Variants in ZPBP observed in about 807,000 individuals in gnomAD.
ZPBP encodes the protein zona pellucida binding protein, also known as zona pellucida-binding protein 1.
A neutral mutation model predicts 44.8 loss-of-function variants in ZPBP; 26 were observed. That is an observed-to-expected ratio of 0.58 (90% CI 0.43 to 0.81). The LOEUF (loss-of-function observed/expected upper bound fraction) is 0.81. ZPBP is among the 30% of genes least tolerant of loss of function. The probability of loss-of-function intolerance (pLI) is 0.00; values close to 1 mark genes in which losing one functional copy is unlikely to be tolerated. For missense variants in ZPBP, 409 were observed against 434.0 expected, an observed-to-expected ratio of 0.94 and a Z score of 0.51; for synonymous variants, 174 against 153.2, an observed-to-expected ratio of 1.14 and a Z score of -1.00.
intron 6 of ZPBP, among the ~76,000 whole-genome samples, chr7:49,993,522 T>C (rs1797660196): frequency 6.6e-6 from 1 of 152,186 alleles, no homozygotes; most frequent in African/African-American, 2.4e-5. Context: ...CTATGAACAA[T>C]AAATGTTTTT....
intron 3 of ZPBP, among the ~76,000 whole-genome samples, chr7:50,079,266 C>A (rs1802252355): frequency 6.6e-6 from 1 of 151,424 alleles, no homozygotes; most frequent in Non-Finnish European, 1.5e-5. Flanking sequence ...TAGGAAAGTA[C>A]CTTATTCTCT....
downstream of ZPBP, among the ~76,000 whole-genome samples, chr7:49,845,858 T>A (rs1444432386): frequency 6.6e-6 from 1 of 151,910 alleles, no homozygotes; most frequent in East Asian, 1.9e-4. Flanking sequence ...GAAGAGCGAG[T>A]GAGTTAGTGT....
intron 7 of ZPBP, among the ~76,000 whole-genome samples, chr7:49,966,303 C>T (rs1375472744): frequency 6.6e-6 from 1 of 152,016 alleles, no homozygotes; most frequent in Non-Finnish European, 1.5e-5. Context: ...ACTCTCCTCC[C>T]ATTCTCTATC....
intron 5 of ZPBP, among the ~76,000 whole-genome samples, chr7:50,027,488 G>A (rs1172799975): frequency 1.3e-5 from 2 of 152,166 alleles, no homozygotes; most frequent in South Asian, 4.1e-4. Flanking sequence ...AGAAGGAAAT[G>A]TATGGGTGTA....
chr7:50,006,263 G>T (rs759296011), intron 6 of ZPBP, among the ~76,000 whole-genome samples: 1 of 151,880 alleles, frequency 6.6e-6, no homozygotes, highest in Non-Finnish European at 1.5e-5. Flanking sequence ...CAATACCATA[G>T]ATCAACAGGA....
chr7:49,974,039 CA>C (rs1796403656), intron 7 of ZPBP, among the ~76,000 whole-genome samples: 1 of 151,888 alleles, frequency 6.6e-6, no homozygotes, highest in African/African-American at 2.4e-5. Flanking sequence ...AAGCCAGACA[CA>C]AAAAGACAGA....
At chr7:49,991,604 T>C (rs1171792400) in intron 6 of ZPBP, among the ~76,000 whole-genome samples, 5 of 152,092 alleles carry the variant, frequency 3.3e-5, no homozygotes, top group African/African-American at 1.2e-4. Context: ...AACTGAAACT[T>C]GCACTAGAAA....
chr7:49,911,923 GCA>G (rs10639154), intron 1 of ZPBP: 2,336 of 344,126 alleles, frequency 6.8e-3, no homozygotes, highest in Middle Eastern at 0.012. Flanking sequence ...ACAAATACAC[GCA>G]CACACACACA....
Position 49,925,398 on chromosome 7 carries a change from G to T in ZPBP, n.411+10353C>A, listed in dbSNP as rs115804796. ...GGACCCAGTGTTGGCCTCTGTTCCA[G>T]ATAGGTTAGACATTGAGAGGTGGTA... is the stretch of plus-strand genomic sequence containing the variant. On this transcript the variant is annotated intron_variant and non_coding_transcript_variant, in intron 1 of 2. Transcript: ENST00000465922. 7.4e-3 allele frequency among the ~76,000 whole-genome samples: 1,134 copies of T among 152,276 alleles called. 24 individuals are homozygous for T. The highest frequency in any genetic ancestry group is 0.026 in the African/African-American group (1,074 of 41,556).
At chr7:49,997,712 C>A (rs1248808070) in intron 6 of ZPBP, among the ~76,000 whole-genome samples, 2 of 152,134 alleles carry the variant, frequency 1.3e-5, no homozygotes, top group Non-Finnish European at 2.9e-5. Context: ...GGAAGGGAGG[C>A]CCCACTGTAG....
intron 7 of ZPBP, among the ~76,000 whole-genome samples, chr7:49,980,138 TA>T (rs1796759253): frequency 9.2e-6 from 1 of 108,486 alleles, no homozygotes; most frequent in African/African-American, 3.8e-5. Context: ...TTATATATTA[TA>T]TTTATATTAT....
At chr7:49,888,176 T>G (rs1442921596) in intron 2 of ZPBP, among the ~76,000 whole-genome samples, 1 of 152,232 alleles carries the variant, frequency 6.6e-6, no homozygotes, top group Non-Finnish European at 1.5e-5. Flanking sequence ...TTTCTGGACC[T>G]TTTAAAAAAT....
At chr7:50,090,801 A>G (rs1221387709) in intron 1 of ZPBP, among the ~76,000 whole-genome samples, 1 of 151,806 alleles carries the variant, frequency 6.6e-6, no homozygotes, top group East Asian at 1.9e-4. Flanking sequence ...TTTTTCATAT[A>G]ATGACTTATT....
At chr7:49,991,083 T>C (rs138757798) in intron 6 of ZPBP, among the ~76,000 whole-genome samples, 39 of 152,268 alleles carry the variant, frequency 2.6e-4, no homozygotes, top group African/African-American at 9.1e-4. Flanking sequence ...TTTGGGAATC[T>C]CTGGGATAAA....
chr7:50,006,797 C>T (rs969394268), intron 6 of ZPBP, among the ~76,000 whole-genome samples: 1 of 151,766 alleles, frequency 6.6e-6, no homozygotes, highest in African/African-American at 2.4e-5. Context: ...AACTGATAAA[C>T]GTTTAGCTAG....
chr7:49,848,676 C>A (rs943955112), downstream of ZPBP, among the ~76,000 whole-genome samples: 1 of 152,222 alleles, frequency 6.6e-6, no homozygotes, highest in Non-Finnish European at 1.5e-5. Flanking sequence ...CGTTTCTCAC[C>A]TCCTCAGACC....
chr7:50,016,120 C>T (rs1262764675), intron 6 of ZPBP, among the ~76,000 whole-genome samples: 1 of 151,980 alleles, frequency 6.6e-6, no homozygotes, highest in Non-Finnish European at 1.5e-5. Flanking sequence ...TGTATATGTT[C>T]ACTGCCACTA....
At position 50,081,847 on chromosome 7, in the gene ZPBP, C is replaced by T. The variant is rs769864652; in HGVS notation, c.261G>A (p.Thr87=). The T allele has an allele frequency of 9.9e-6, 16 of 1,611,250 alleles. No individual in the cohort carries two copies. The highest frequency in any genetic ancestry group is 2.7e-5 in the African/African-American group (2 of 74,782). The stretch of plus-strand genomic sequence containing the variant: ...TCAGTTCAGCATTTCGCAGTTGTTG[C>T]GTTACACATAACACGTGTGGACTCT... The part of the protein sequence containing the change: ...HQKSPHVLCV[T]QQLRNAELID... The change falls in exon 3 of 8, where the codon ACG becomes ACA. Residue 87 remains threonine (T), a synonymous_variant. Coordinates refer to ENST00000046087, the MANE Select transcript of ZPBP (RefSeq NM_007009.3).
intron 4 of ZPBP, among the ~76,000 whole-genome samples, chr7:50,051,348 G>T (rs1800684663): frequency 6.6e-6 from 1 of 152,152 alleles, no homozygotes; most frequent in African/African-American, 2.4e-5. Flanking sequence ...GTGTAAATTA[G>T]TTCAACCATT....
Sources: allele counts gnomAD v4.1 joint callset (sites outside exome capture counted in the v4.1 genomes callset), GRCh38; gene constraint gnomAD v4.1.1; transcripts MANE v1.5; gene names NCBI Gene and HGNC (gene_info 2026-07-23, HGNC 2026-07-21).